SUMO2: variants seen among roughly 807,000 people sequenced by gnomAD.
The protein encoded by SUMO2 is small ubiquitin-related modifier 2.
Under a neutral mutation model 16.0 loss-of-function variants are expected in SUMO2, and 1 was observed. The observed-to-expected ratio is 0.06, with a 90% CI of 0.02 to 0.30. SUMO2 has a LOEUF of 0.30. SUMO2 is among the 10% of genes least tolerant of loss of function. SUMO2 has a pLI of 1.00. For synonymous variants in SUMO2, 36 were observed against 40.6 expected, an observed-to-expected ratio of 0.89 and a Z score of 0.43; for missense variants, 16 against 117.5, an observed-to-expected ratio of 0.14 and a Z score of 3.99.
chr17:75,172,710 G>C (rs1205868433), intron 3 of SUMO2, among the ~76,000 whole-genome samples: 2 of 151,870 alleles, frequency 1.3e-5, no homozygotes, highest in Non-Finnish European at 2.9e-5. Flanking sequence ...CCCAACCTCA[G>C]GTGATCCGCC....
At position 75,178,217 on chromosome 17, in the gene SUMO2, T is replaced by A. The variant is rs931099028; in HGVS notation, c.153+2840A>T. 5.3e-5 allele frequency among the ~76,000 whole-genome samples: 8 copies of A among 149,688 alleles called. No homozygotes were observed. In the East Asian group the frequency reaches 1.6e-3, roughly 29 times the overall value. On this transcript the variant is annotated intron_variant, in intron 2 of 3. Coordinates refer to ENST00000420826, the MANE Select transcript of SUMO2 (RefSeq NM_006937.4). ...GCAGAAAAGTTAAATAAGATATGCA[T>A]AAGAATAGTGTTCAAGGCCAGGCAC...
intron 1 of SUMO2, among the ~76,000 whole-genome samples, chr17:75,182,223 G>C (rs961015262): frequency 6.6e-6 from 1 of 152,146 alleles, no homozygotes; most frequent in African/African-American, 2.4e-5. Context: ...GGCTATTAAA[G>C]TGGGAAATAC....
intron 3 of SUMO2, among the ~76,000 whole-genome samples, chr17:75,170,851 C>CAAAAAAAAAAAAAAAAAAACAAAAAAAAA (rs961499902): frequency 1.7e-5 from 1 of 58,904 alleles, no homozygotes. Context: ...CTCCAGGTCT[C>CAAAAAAAAAAAAAAAAAAACAAAAAAAAA]AAAAAAAAAA....
intron 1 of SUMO2, among the ~76,000 whole-genome samples, chr17:75,182,185 C>T (rs2074834170): frequency 6.6e-6 from 1 of 152,038 alleles, no homozygotes; most frequent in Admixed American, 6.6e-5. Flanking sequence ...AGGGAAAAGC[C>T]GCTGCCCCTC....
At chr17:75,175,493 A>AT (rs1241903147) in intron 2 of SUMO2, among the ~76,000 whole-genome samples, 3 of 139,036 alleles carry the variant, frequency 2.2e-5, no homozygotes, top group Non-Finnish European at 4.7e-5. Context: ...TAATTTTTGT[A>AT]TTTTTTAGTA....
intron 2 of SUMO2, among the ~76,000 whole-genome samples, chr17:75,179,527 CA>C (rs35348154): frequency 0.4 from 38,348 of 96,950 alleles, 4,327 homozygotes; most frequent in East Asian, 0.63. Context: ...GACTCTGTCT[CA>C]AAAAAAAAAA....
At chr17:75,175,114 C>G (rs2074771774) in intron 2 of SUMO2, among the ~76,000 whole-genome samples, 1 of 151,848 alleles carries the variant, frequency 6.6e-6, no homozygotes. Context: ...CCAAGAGTAG[C>G]TGGGACTACG....
chr17:75,175,448 T>A (rs1217478384), intron 2 of SUMO2, among the ~76,000 whole-genome samples: 1 of 148,966 alleles, frequency 6.7e-6, no homozygotes, highest in Non-Finnish European at 1.5e-5. Flanking sequence ...AGCCTCCTGA[T>A]TAGCTGGGAC....
rs1327284870 is a variant in SUMO2 at position 75,167,481 on chromosome 17, G to A, written c.*858C>T. ...CTCACTTAATATACAGAAAATACCT[G>A]GAAATCCACGATACTATGGCCCAAT... On this transcript the variant is annotated 3_prime_UTR_variant, in exon 4 of 4. Coordinates refer to ENST00000420826, the MANE Select transcript of SUMO2 (RefSeq NM_006937.4). The A allele has an allele frequency of 6.6e-6, 1 of 152,026 alleles. No homozygotes were observed. The highest frequency in any genetic ancestry group is 1.5e-5 in the Non-Finnish European group (1 of 68,026). The allele number at this position is 152,026 out of a possible 1,614,324, so 9.4% of individuals were successfully genotyped here. A position where few individuals can be genotyped will look rare whatever the true frequency, so the allele number is the denominator to read the frequency against.
intron 3 of SUMO2, among the ~76,000 whole-genome samples, chr17:75,172,110 T>C (rs2074744295): frequency 6.6e-6 from 1 of 151,374 alleles, no homozygotes; most frequent in Non-Finnish European, 1.5e-5. Context: ...CTGACACCTT[T>C]CCCCCGCCCA....
rs1351020706 is a variant in SUMO2 at position 75,181,153 on chromosome 17, A to G, written c.57T>C (p.Asn19=). The G allele has an allele frequency of 6.2e-7, 1 of 1,613,884 alleles. No homozygotes were observed. Among genetic ancestry groups the G allele is most frequent in the Non-Finnish European group, 8.5e-7 (1 of 1,179,960 alleles). ...AACCATCCTGCCCCGCCACCTTCAA[A>G]TTAATATGATCGTTGTTCTCAGTCT... ...GVKTENNDHI[N]LKVAGQDGSV... is the part of the protein sequence containing the mutation. The change falls in exon 2 of 4, where the codon AAT becomes AAC. Residue 19 remains asparagine (N), a synonymous_variant. Transcript: ENST00000420826.
Position 75,166,870 on chromosome 17 carries a change from T to G in SUMO2, c.*1469A>C, listed in dbSNP as rs1164338226. The G allele has an allele frequency of 6.6e-6, 1 of 151,956 alleles. No homozygotes were observed. Among genetic ancestry groups the G allele is most frequent in the Admixed American group, 6.6e-5 (1 of 15,200 alleles). The allele number at this position is 151,956 out of a possible 1,614,324, so 9.4% of individuals were successfully genotyped here. On this transcript the variant is annotated 3_prime_UTR_variant, in exon 4 of 4. Coordinates refer to ENST00000420826, the MANE Select transcript of SUMO2 (RefSeq NM_006937.4). ...TTGCAGTGAGCCAAGATTGTGCCAC[T>G]GCACTACAGCCTGGGAGACGGAATG... is the stretch of plus-strand genomic sequence containing the variant.
rs2145229495 is a variant in SUMO2 at position 75,182,949 on chromosome 17, CGA to C, written c.-117_-116del. On this transcript the variant is annotated 5_prime_UTR_variant, in exon 1 of 4. Transcript: ENST00000420826. The stretch of plus-strand genomic sequence containing the variant: ...AGAAGAAGGAGGCGGCAGCGGTGGA[CGA>C]GGGGAGAGGGTGCGCGCACGTCGTG... 1.1e-6 allele frequency: 1 copy of C among 935,778 alleles called. No individual in the cohort carries two copies. Among genetic ancestry groups the C allele is most frequent in the African/African-American group, 1.7e-5 (1 of 57,446 alleles). The allele number at this position is 935,778 out of a possible 1,614,324, so 58.0% of individuals were successfully genotyped here. A position where few individuals can be genotyped will look rare whatever the true frequency, so the allele number is the denominator to read the frequency against.
intron 2 of SUMO2, among the ~76,000 whole-genome samples, chr17:75,179,083 AAAG>A (rs550505650): frequency 6.5e-4 from 99 of 152,304 alleles, no homozygotes; most frequent in Non-Finnish European, 1.1e-3. Flanking sequence ...CAGTTTTGCT[AAAG>A]AAGTTCTCCA....
chr17:75,169,233 CAA>C (rs906656113), intron 3 of SUMO2, among the ~76,000 whole-genome samples: 2 of 151,358 alleles, frequency 1.3e-5, no homozygotes, highest in African/African-American at 4.9e-5. Flanking sequence ...GATCCTGTAT[CAA>C]AAAAAGAGAA....
At chr17:75,172,704 A>G (rs1464882778) in intron 3 of SUMO2, among the ~76,000 whole-genome samples, 1 of 151,488 alleles carries the variant, frequency 6.6e-6, no homozygotes, top group African/African-American at 2.4e-5. Flanking sequence ...CAAACTCCCA[A>G]CCTCAGGTGA....
intron 1 of SUMO2, 47 bp from the exon 2 acceptor site, chr17:75,181,235 AAC>A: frequency 1.2e-6 from 2 of 1,600,106 alleles, no homozygotes; most frequent in Non-Finnish European, 1.7e-6. Context: ...GTGATCAACG[AAC>A]ACGTTTTATA....
chr17:75,169,108 CAT>C (rs975156134), intron 3 of SUMO2, among the ~76,000 whole-genome samples: 7 of 151,504 alleles, frequency 4.6e-5, no homozygotes, highest in African/African-American at 1.5e-4. Context: ...GACACATGTC[CAT>C]ACTCCCAGCT....
At chr17:75,175,842 A>T (rs1274004108) in intron 2 of SUMO2, among the ~76,000 whole-genome samples, 1 of 151,948 alleles carries the variant, frequency 6.6e-6, no homozygotes, top group African/African-American at 2.4e-5. Context: ...CATGTTGGCC[A>T]GACTGATCTC....
Sources: allele counts gnomAD v4.1 joint callset (sites outside exome capture counted in the v4.1 genomes callset), GRCh38; gene constraint gnomAD v4.1.1; transcripts MANE v1.5; gene names NCBI Gene and HGNC (gene_info 2026-07-23, HGNC 2026-07-21).